SHC4: variants seen among roughly 807,000 people sequenced by gnomAD.
The protein encoded by SHC4 is SHC-transforming protein 4.
A neutral mutation model predicts 69.4 loss-of-function variants in SHC4; 41 were observed. The ratio of observed to expected loss-of-function variants is 0.59; its 90% CI spans 0.46 to 0.77. SHC4 has a LOEUF of 0.77. Ranked by LOEUF, SHC4 falls within the 30% of genes least tolerant of loss-of-function variation. The pLI, the probability that SHC4 is intolerant of heterozygous loss-of-function variation, is 0.00. For missense variants in SHC4, 777 were observed against 783.8 expected, an observed-to-expected ratio of 0.99 and a Z score of 0.10; for synonymous variants, 318 against 299.3, an observed-to-expected ratio of 1.06 and a Z score of -0.64.
chr15:48,915,265 G>T (rs927965381), intron 2 of SHC4, among the ~76,000 whole-genome samples: 1 of 152,170 alleles, frequency 6.6e-6, no homozygotes, highest in Non-Finnish European at 1.5e-5. Context: ...AGAGCAAAAA[G>T]GTACAATTGG....
chr15:48,916,981 A>G (rs1225139141), intron 2 of SHC4, among the ~76,000 whole-genome samples: 1 of 152,174 alleles, frequency 6.6e-6, no homozygotes, highest in Non-Finnish European at 1.5e-5. Context: ...TGATGAAATA[A>G]ATGTTCCCTT....
intron 4 of SHC4, among the ~76,000 whole-genome samples, chr15:48,883,938 TTGG>T (rs1489729268): frequency 6.6e-6 from 1 of 152,088 alleles, no homozygotes; most frequent in Non-Finnish European, 1.5e-5. Flanking sequence ...TTGGGGAGGG[TTGG>T]TGGAGACATC....
intron 3 of SHC4, among the ~76,000 whole-genome samples, chr15:48,887,751 T>G (rs1451501969): frequency 1.3e-5 from 2 of 152,148 alleles, no homozygotes; most frequent in Admixed American, 6.6e-5. Flanking sequence ...GACAAACCTT[T>G]AGCTAGATGA....
At chr15:48,938,276 T>C (rs1901110686) in intron 1 of SHC4, 1 of 152,178 alleles carries the variant, frequency 6.6e-6, no homozygotes, top group Non-Finnish European at 1.5e-5. Flanking sequence ...ATTAATACAT[T>C]CAGAAGAGAA....
chr15:48,891,061 C>T (rs865839124), intron 2 of SHC4, among the ~76,000 whole-genome samples: 3 of 152,152 alleles, frequency 2.0e-5, no homozygotes, highest in Non-Finnish European at 4.4e-5. Flanking sequence ...TTTTTCATCT[C>T]TGTTTTTCCT....
intron 1 of SHC4, among the ~76,000 whole-genome samples, chr15:48,945,707 T>C (rs1901264731): frequency 1.2e-5 from 1 of 80,812 alleles, no homozygotes; most frequent in African/African-American, 4.2e-5. Flanking sequence ...CTGCCAGGGG[T>C]TGGAGGGGAA....
chr15:48,888,332 G>A (rs549260076), intron 3 of SHC4, among the ~76,000 whole-genome samples: 7 of 152,258 alleles, frequency 4.6e-5, no homozygotes, highest in African/African-American at 1.7e-4. Context: ...GAACCTTGAG[G>A]ACATTATGCT....
At chr15:48,848,941 A>G (rs1003524580) in intron 9 of SHC4, among the ~76,000 whole-genome samples, 8 of 152,130 alleles carry the variant, frequency 5.3e-5, no homozygotes, top group African/African-American at 1.9e-4. Flanking sequence ...ACATAATTCT[A>G]GAAATGTCCA....
chr15:48,904,791 C>A (rs1449716489), intron 2 of SHC4, among the ~76,000 whole-genome samples: 1 of 151,908 alleles, frequency 6.6e-6, no homozygotes, highest in Non-Finnish European at 1.5e-5. Flanking sequence ...GAGGCTGAGG[C>A]AGGAGGATCA....
At chr15:48,950,830 G>A (rs989660167) in intron 1 of SHC4, among the ~76,000 whole-genome samples, 17 of 152,130 alleles carry the variant, frequency 1.1e-4, no homozygotes, top group Non-Finnish European at 1.8e-4. Context: ...GATGGTTGGC[G>A]TTAATATCCT....
At chr15:48,878,310 C>T in intron 4 of SHC4, 1 of 1,613,728 alleles carries the variant, frequency 6.2e-7, no homozygotes, top group Non-Finnish European at 8.5e-7. Flanking sequence ...CTGCGTCCCT[C>T]CCGCAGCGGG....
rs1055554275 is a variant in SHC4, at chr15:48,894,848, G to A, written c.657-4037C>T. Among the ~76,000 whole-genome samples, 64 of 152,012 alleles carry A rather than the reference G, an allele frequency of 4.2e-4. 1 individual carries two copies. Among genetic ancestry groups the A allele is most frequent in the Non-Finnish European group, 1.2e-4 (8 of 68,010 alleles). ...GTTGCCAGGTTGGAGTGCAGTGGTG[G>A]GATCATAGCTCAATGCAGCCTCAAC... is the stretch of plus-strand genomic sequence containing the variant. On this transcript the variant is annotated intron_variant, in intron 2 of 11. Transcript: ENST00000332408.
At chr15:48,952,986 A>G (rs139391699) in intron 1 of SHC4, among the ~76,000 whole-genome samples, 1,853 of 152,340 alleles carry the variant, frequency 0.012, 42 homozygotes, top group East Asian at 0.094. Flanking sequence ...CTGCAGCACT[A>G]TTCACAATAG....
At chr15:48,880,985 AGTGT>A (rs10523567) in intron 4 of SHC4, among the ~76,000 whole-genome samples, 18,893 of 145,850 alleles carry the variant, frequency 0.13, 1,955 homozygotes, top group African/African-American at 0.28. Context: ...TGTGTGTGAG[AGTGT>A]GTGTGTGTGT....
Position 48,892,947 on chromosome 15 carries a change from TAAC to T in SHC4, c.657-2139_657-2137del, listed in dbSNP as rs545425410. Among the ~76,000 whole-genome samples, 428 of 151,778 alleles carry T rather than the reference TAAC, an allele frequency of 2.8e-3. 2 individuals are homozygous for T. The highest frequency in any genetic ancestry group is 0.01 in the African/African-American group (415 of 41,430). On this transcript the variant is annotated intron_variant, in intron 2 of 11. Coordinates refer to ENST00000332408, the MANE Select transcript of SHC4 (RefSeq NM_203349.4). ...TGGATATTGATGCTGCCAAATATAA[TAAC>T]AACAATAATAAAAATATAACAATAA...
At chr15:48,947,900 A>C (rs1901303158) in intron 1 of SHC4, 1 of 152,246 alleles carries the variant, frequency 6.6e-6, no homozygotes, top group African/African-American at 2.4e-5. Flanking sequence ...AGGCATCTTC[A>C]CTCAGTCTTC....
chr15:48,872,555 C>A (rs1484182829), intron 4 of SHC4, among the ~76,000 whole-genome samples: 1 of 152,188 alleles, frequency 6.6e-6, no homozygotes, highest in Non-Finnish European at 1.5e-5. Flanking sequence ...GAATATGAAG[C>A]TTTTCTTCTG....
intron 2 of SHC4, among the ~76,000 whole-genome samples, chr15:48,915,920 C>T (rs1900611977): frequency 6.6e-6 from 1 of 152,150 alleles, no homozygotes; most frequent in Non-Finnish European, 1.5e-5. Context: ...TTTTATCCCC[C>T]TCTCTGGTGA....
intron 2 of SHC4, among the ~76,000 whole-genome samples, chr15:48,896,616 A>G (rs1223748294): frequency 6.6e-6 from 1 of 152,082 alleles, no homozygotes. Flanking sequence ...CACCGCGCCC[A>G]GCCTGTACAA....
Sources: allele counts gnomAD v4.1 joint callset (sites outside exome capture counted in the v4.1 genomes callset), GRCh38; gene constraint gnomAD v4.1.1; transcripts MANE v1.5; gene names NCBI Gene and HGNC (gene_info 2026-07-23, HGNC 2026-07-21).